The following CADM2 variants were observed in gnomAD, a reference collection of about 807,000 sequenced individuals.
CADM2 encodes cell adhesion molecule 2.
A neutral mutation model predicts 49.8 loss-of-function variants in CADM2; 12 were observed. That is an observed-to-expected ratio of 0.24 (90% confidence interval 0.15 to 0.39). CADM2 has a LOEUF of 0.39. Among genes scored for constraint, CADM2 ranks in the 10% least tolerant of loss-of-function variants. The pLI, the probability that CADM2 is intolerant of heterozygous loss-of-function variation, is 1.00. For synonymous variants in CADM2, 214 were observed against 175.4 expected (o/e 1.22, Z -1.74); for missense variants, 378 against 492.3 (o/e 0.77, Z 2.20).
At chr3:85,024,038 T>C (rs980269375) in intron 1 of CADM2, among the ~76,000 whole-genome samples, 2 of 152,110 alleles carry the variant, frequency 1.3e-5, no homozygotes, top group Non-Finnish European at 2.9e-5. Context: ...AATTTAAAGA[T>C]ACCAAACATA....
intron 1 of CADM2, among the ~76,000 whole-genome samples, chr3:85,221,428 C>T (rs773473244): frequency 2.0e-5 from 3 of 152,008 alleles, no homozygotes; most frequent in Non-Finnish European, 2.9e-5. Context: ...AATATTATTG[C>T]CAAGATTTCA....
intron 1 of CADM2, among the ~76,000 whole-genome samples, chr3:85,413,653 G>T (rs139814421): frequency 1.3e-5 from 2 of 152,058 alleles, no homozygotes; most frequent in Non-Finnish European, 2.9e-5. Flanking sequence ...TTAAACAGTC[G>T]GATCTTGTGA....
intron 3 of CADM2, among the ~76,000 whole-genome samples, chr3:85,838,378 G>A (rs1192938889): frequency 6.6e-6 from 1 of 151,832 alleles, no homozygotes; most frequent in African/African-American, 2.4e-5. Flanking sequence ...ATTAATCACT[G>A]ATGGCAGAGC....
At chr3:84,996,838 TG>T (rs1341937149) in intron 1 of CADM2, among the ~76,000 whole-genome samples, 1 of 152,132 alleles carries the variant, frequency 6.6e-6, no homozygotes, top group Non-Finnish European at 1.5e-5. Context: ...AATAATTCTA[TG>T]GTGTTCAGGG....
At chr3:85,416,151 G>T (rs1396572466) in intron 1 of CADM2, among the ~76,000 whole-genome samples, 4 of 152,036 alleles carry the variant, frequency 2.6e-5, no homozygotes, top group Non-Finnish European at 4.4e-5. Context: ...GTATTCTTTT[G>T]TAATGTGAAT....
chr3:85,982,721 T>G (rs1289284190), intron 8 of CADM2, among the ~76,000 whole-genome samples: 3 of 151,662 alleles, frequency 2.0e-5, no homozygotes, highest in Non-Finnish European at 4.4e-5. Flanking sequence ...CCTTTTAAAT[T>G]AAAACTTTTA....
intron 8 of CADM2, among the ~76,000 whole-genome samples, chr3:85,967,029 G>C (rs567949825): frequency 6.6e-6 from 1 of 151,712 alleles, no homozygotes; most frequent in East Asian, 2.0e-4. Flanking sequence ...TGCCTTTCTA[G>C]CTCCTAAGAA....
chr3:86,003,284 C>T (rs1730396835), intron 8 of CADM2, among the ~76,000 whole-genome samples: 1 of 152,160 alleles, frequency 6.6e-6, no homozygotes, highest in Non-Finnish European at 1.5e-5. Flanking sequence ...TCCCCATTTT[C>T]CCCATGGGAC....
intron 2 of CADM2, among the ~76,000 whole-genome samples, chr3:85,795,231 A>G (rs995340507): frequency 6.6e-6 from 1 of 152,138 alleles, no homozygotes; most frequent in African/African-American, 2.4e-5. Flanking sequence ...AGACTCTAAG[A>G]TTGAATGGAG....
At chr3:84,993,811 A>T (rs2033027569) in intron 1 of CADM2, among the ~76,000 whole-genome samples, 1 of 151,556 alleles carries the variant, frequency 6.6e-6, no homozygotes, top group African/African-American at 2.4e-5. Context: ...TTGTCTCTAA[A>T]TGGATCTCAG....
intron 1 of CADM2, among the ~76,000 whole-genome samples, chr3:85,009,967 G>A (rs56323327): frequency 1.7e-3 from 252 of 151,610 alleles, no homozygotes; most frequent in Non-Finnish European, 2.4e-3. Flanking sequence ...TATTATATAC[G>A]TTATTTCAAC....
At chr3:86,042,905 G>A (rs1360492245) in intron 8 of CADM2, among the ~76,000 whole-genome samples, 1 of 152,036 alleles carries the variant, frequency 6.6e-6, no homozygotes, top group Non-Finnish European at 1.5e-5. Context: ...TTCATCCCTG[G>A]GATGCAAGGC....
chr3:85,013,071 T>C (rs1382932247), intron 1 of CADM2, among the ~76,000 whole-genome samples: 2 of 151,718 alleles, frequency 1.3e-5, no homozygotes, highest in African/African-American at 4.8e-5. Flanking sequence ...ACATAACACT[T>C]ATTAATAAAT....
chr3:85,032,532 A>T (rs2035031983), intron 1 of CADM2, among the ~76,000 whole-genome samples: 1 of 152,222 alleles, frequency 6.6e-6, no homozygotes, highest in Admixed American at 6.5e-5. Context: ...ATAATTTTGA[A>T]TTTAAATATA....
At chr3:85,431,370 T>A (rs1402623524) in intron 1 of CADM2, among the ~76,000 whole-genome samples, 1 of 152,162 alleles carries the variant, frequency 6.6e-6, no homozygotes, top group Non-Finnish European at 1.5e-5. Flanking sequence ...CGAGCTAAAT[T>A]AATATTAGCT....
intron 1 of CADM2, among the ~76,000 whole-genome samples, chr3:85,574,137 A>G (rs988826532): frequency 1.1e-4 from 16 of 152,312 alleles, no homozygotes; most frequent in Admixed American, 8.5e-4. Flanking sequence ...AGCAAACACC[A>G]TATTTCTAGT....
intron 1 of CADM2, among the ~76,000 whole-genome samples, chr3:85,179,152 G>A (rs2040861073): frequency 6.6e-6 from 1 of 151,888 alleles, no homozygotes; most frequent in Non-Finnish European, 1.5e-5. Context: ...ATATTGCTAA[G>A]GTGTTTGAAT....
In CADM2 at chr3:85,272,131, G is replaced by T. The variant is rs530754696; in HGVS notation, c.61+312463G>T. ...GCTGCTAATGATCCAAGGTCACAGG[G>T]CAAGAAAATAACAGAGAAAGGCATG... On this transcript the variant is annotated intron_variant, in intron 1 of 9. Transcript: ENST00000383699. 8.6e-5 allele frequency among the ~76,000 whole-genome samples: 13 copies of T among 151,106 alleles called. No individual in the cohort carries two copies. The South Asian group carries it at 2.7e-3, about 31-fold the overall frequency.
chr3:85,894,974 G>T (rs955269487), intron 5 of CADM2, among the ~76,000 whole-genome samples: 1 of 152,210 alleles, frequency 6.6e-6, no homozygotes, highest in Admixed American at 6.5e-5. Context: ...TTCTGCTAGG[G>T]CAATGTGGAA....
Sources: allele counts gnomAD v4.1 joint callset (sites outside exome capture counted in the v4.1 genomes callset), GRCh38; gene constraint gnomAD v4.1.1; transcripts MANE v1.5; gene names NCBI Gene and HGNC (gene_info 2026-07-23, HGNC 2026-07-21).